The following TMEM108 variants were observed in gnomAD, a reference collection of about 807,000 sequenced individuals.
The protein encoded by TMEM108 is cancer/testis antigen 124.
In TMEM108, 12 loss-of-function variants were observed where a neutral mutation model predicts 35.1. The observed-to-expected ratio is 0.34, with a 90% CI of 0.22 to 0.55. TMEM108 has a LOEUF of 0.55. TMEM108 is among the 20% of genes least tolerant of loss of function. The pLI, the probability that TMEM108 is intolerant of heterozygous loss-of-function variation, is 0.89. For synonymous variants in TMEM108, 287 were observed against 308.6 expected (o/e 0.93, Z 0.73); for missense variants, 680 against 753.3 (o/e 0.90, Z 1.14).
intron 1 of TMEM108, among the ~76,000 whole-genome samples, chr3:133,043,987 T>G (rs1422352038): frequency 6.6e-6 from 1 of 152,222 alleles, no homozygotes; most frequent in Non-Finnish European, 1.5e-5. Flanking sequence ...GAAGAACATT[T>G]GCTTGAAAAT....
At chr3:133,285,433 AT>A (rs1946970083) in intron 3 of TMEM108, among the ~76,000 whole-genome samples, 1 of 152,164 alleles carries the variant, frequency 6.6e-6, no homozygotes, top group Non-Finnish European at 1.5e-5. Flanking sequence ...GGTTTTCAGT[AT>A]TCTCCACTGG....
chr3:133,172,611 A>C (rs143728968), intron 2 of TMEM108, among the ~76,000 whole-genome samples: 1 of 152,220 alleles, frequency 6.6e-6, no homozygotes, highest in African/African-American at 2.4e-5. Context: ...ATGCTTACAG[A>C]AATACAGTCA....
At chr3:133,085,860 A>G (rs931609886) in intron 2 of TMEM108, among the ~76,000 whole-genome samples, 1 of 152,116 alleles carries the variant, frequency 6.6e-6, no homozygotes, top group African/African-American at 2.4e-5. Context: ...TCAATGTACC[A>G]TTTGAGATTT....
At chr3:133,184,239 A>G (rs912263439) in intron 2 of TMEM108, among the ~76,000 whole-genome samples, 1 of 152,258 alleles carries the variant, frequency 6.6e-6, no homozygotes, top group East Asian at 1.9e-4. Context: ...ATCGGAACTA[A>G]TTTTTAAAAA....
chr3:133,318,360 C>T (rs2071224237), intron 3 of TMEM108, among the ~76,000 whole-genome samples: 1 of 152,200 alleles, frequency 6.6e-6, no homozygotes, highest in Non-Finnish European at 1.5e-5. Flanking sequence ...ATTATAGTCT[C>T]ATAGTTGCTT....
In TMEM108 at chr3:133,380,152, G is replaced by A. The variant is rs35846010; in HGVS notation, c.441G>A (p.Pro147=). ...AAPTILLTKP[P]GATSRPTTAP... is the part of the protein sequence containing the mutation. ...CCACCATCCTGCTGACAAAGCCACC[G>A]GGGGCCACCAGCCGCCCCACCACAG... is the stretch of plus-strand genomic sequence containing the variant. Residue 147 remains proline (P), a synonymous_variant, in exon 4 of 6, where the codon CCG becomes CCA. Transcript: ENST00000321871. The surrounding 1 kb of genome is among the most constrained non-coding windows in gnomAD (Gnocchi z 5.3). 4.8e-3 allele frequency: 7,669 copies of A among 1,613,022 alleles called. 285 individuals carry two copies. The African/African-American group carries it at 0.09, about 19-fold the overall frequency.
intron 3 of TMEM108, among the ~76,000 whole-genome samples, chr3:133,309,893 G>T (rs1312792494): frequency 2.0e-5 from 3 of 151,578 alleles, no homozygotes; most frequent in African/African-American, 4.8e-5. Context: ...GTAGAGACGG[G>T]GTTTCACCGT....
intron 5 of TMEM108, among the ~76,000 whole-genome samples, chr3:133,390,989 A>G (rs1385316886): frequency 6.6e-6 from 1 of 152,180 alleles, no homozygotes; most frequent in Non-Finnish European, 1.5e-5. Flanking sequence ...TAACCACAGA[A>G]TCCATACTCT....
chr3:133,100,563 C>CCACT (rs1264410185), intron 2 of TMEM108, among the ~76,000 whole-genome samples: 1 of 152,148 alleles, frequency 6.6e-6, no homozygotes, highest in African/African-American at 2.4e-5. Context: ...CATCATCATG[C>CCACT]CACTGAACAC....
chr3:133,151,951 T>A (rs1052155794), intron 2 of TMEM108, among the ~76,000 whole-genome samples: 11 of 152,280 alleles, frequency 7.2e-5, no homozygotes, highest in Non-Finnish European at 1.5e-4. Flanking sequence ...AATGTCATGG[T>A]TGATGCCAAC....
chr3:133,198,609 T>C (rs1426641017), intron 2 of TMEM108, among the ~76,000 whole-genome samples: 1 of 152,188 alleles, frequency 6.6e-6, no homozygotes, highest in Non-Finnish European at 1.5e-5. Context: ...ATTTTAGACC[T>C]TACATCATGT....
intron 2 of TMEM108, among the ~76,000 whole-genome samples, chr3:133,138,498 T>TTG (rs1326475865): frequency 6.6e-6 from 1 of 152,170 alleles, no homozygotes; most frequent in South Asian, 2.1e-4. Context: ...TGAGATTTTT[T>TTG]TGTGTGTGAT....
At chr3:133,287,008 C>T (rs116241420) in intron 3 of TMEM108, among the ~76,000 whole-genome samples, 166 of 152,168 alleles carry the variant, frequency 1.1e-3, no homozygotes, top group African/African-American at 3.6e-3. Flanking sequence ...TCTATTTTTC[C>T]GCTTCCAACA....
chr3:133,185,933 G>A (rs1332618465), intron 2 of TMEM108, among the ~76,000 whole-genome samples: 1 of 151,758 alleles, frequency 6.6e-6, no homozygotes, highest in Non-Finnish European at 1.5e-5. Flanking sequence ...ACGCCTGGCT[G>A]ATTTTTGTAT....
chr3:133,348,185 A>G (rs745338554), intron 3 of TMEM108, among the ~76,000 whole-genome samples: 1 of 152,120 alleles, frequency 6.6e-6, no homozygotes, highest in Non-Finnish European at 1.5e-5. Flanking sequence ...AAAATATTGT[A>G]TTACAAATAT....
chr3:133,118,934 C>G (rs1394801088), intron 2 of TMEM108: 2 of 152,172 alleles, frequency 1.3e-5, no homozygotes, highest in African/African-American at 2.4e-5. Flanking sequence ...TAGACTTGAT[C>G]ACATCATTAA....
chr3:133,188,958 G>C (rs1281378067), intron 2 of TMEM108, among the ~76,000 whole-genome samples: 4 of 152,164 alleles, frequency 2.6e-5, no homozygotes, highest in Non-Finnish European at 5.9e-5. Context: ...AAAGCTAGTG[G>C]ATGGCGCATC....
At chr3:133,241,102 G>A (rs1368773939) in intron 3 of TMEM108, among the ~76,000 whole-genome samples, 1 of 151,894 alleles carries the variant, frequency 6.6e-6, no homozygotes, top group Non-Finnish European at 1.5e-5. Flanking sequence ...AGATTTTTCT[G>A]AAGAAGGAAA....
intron 2 of TMEM108, among the ~76,000 whole-genome samples, chr3:133,118,091 G>C (rs914255102): frequency 6.6e-6 from 1 of 151,126 alleles, no homozygotes; most frequent in Non-Finnish European, 1.5e-5. Flanking sequence ...TGATTTCTAG[G>C]AGTTGGTAGA....
Sources: gnomAD v4.1 joint callset for allele counts (sites outside exome capture counted in the v4.1 genomes callset) on GRCh38, gnomAD v4.1.1 for gene constraint, Gnocchi (gnomAD v3.1) non-coding constraint, MANE v1.5 for transcripts, NCBI Gene and HGNC (gene_info 2026-07-23, HGNC 2026-07-21) for gene names.